SGCZ: variants seen among roughly 807,000 people sequenced by gnomAD.
SGCZ encodes sarcoglycan zeta.
In SGCZ, 40 loss-of-function variants were observed where a neutral mutation model predicts 41.3. The observed-to-expected ratio is 0.97, with a 90% CI of 0.75 to 1.26. The LOEUF (loss-of-function observed/expected upper bound fraction) is 1.26. Among genes scored for constraint, SGCZ ranks in the 50% most tolerant of loss-of-function variants. The pLI, the probability that SGCZ is intolerant of heterozygous loss-of-function variation, is 0.00. For missense variants in SGCZ, 552 were observed against 369.8 expected (o/e 1.49, Z -4.04); for synonymous variants, 206 against 137.5 (o/e 1.50, Z -3.49).
intron 1 of SGCZ, among the ~76,000 whole-genome samples, chr8:14,696,229 C>G (rs1367410251): frequency 6.6e-6 from 1 of 152,040 alleles, no homozygotes; most frequent in African/African-American, 2.4e-5. Flanking sequence ...TAAAACTCCT[C>G]TAAACTGTGT....
intron 1 of SGCZ, among the ~76,000 whole-genome samples, chr8:14,560,335 CAT>C (rs56123932): frequency 0.38 from 56,803 of 151,064 alleles, 11,151 homozygotes; most frequent in Admixed American, 0.44. Flanking sequence ...ATATATACAA[CAT>C]ATATATATAT....
chr8:15,176,015 A>G (rs1799990910), intron 1 of SGCZ, among the ~76,000 whole-genome samples: 1 of 152,218 alleles, frequency 6.6e-6, no homozygotes, highest in South Asian at 2.1e-4. Context: ...ACTGTATTAT[A>G]CTACTTATAT....
At chr8:14,403,810 A>G (rs888538417) in intron 2 of SGCZ, among the ~76,000 whole-genome samples, 9 of 152,162 alleles carry the variant, frequency 5.9e-5, no homozygotes, top group Non-Finnish European at 8.8e-5. Flanking sequence ...GTATGTTTAA[A>G]TGCTGTGGTA....
At chr8:15,112,899 C>A (rs1807124928) in intron 1 of SGCZ, among the ~76,000 whole-genome samples, 1 of 152,154 alleles carries the variant, frequency 6.6e-6, no homozygotes, top group African/African-American at 2.4e-5. Flanking sequence ...TGTTTGAAGT[C>A]ATGCGTTGTG....
At chr8:14,839,164 T>C (rs1224894217) in intron 1 of SGCZ, among the ~76,000 whole-genome samples, 2 of 152,140 alleles carry the variant, frequency 1.3e-5, no homozygotes, top group Admixed American at 6.5e-5. Flanking sequence ...ACTAGTATGA[T>C]ATTGATAGTG....
chr8:14,713,908 A>T (rs1250790346), intron 1 of SGCZ, among the ~76,000 whole-genome samples: 1 of 152,128 alleles, frequency 6.6e-6, no homozygotes, highest in Non-Finnish European at 1.5e-5. Flanking sequence ...TATTTTTTAA[A>T]CCTTTAAAAT....
intron 4 of SGCZ, among the ~76,000 whole-genome samples, chr8:14,198,832 C>A (rs992259989): frequency 6.6e-6 from 1 of 152,116 alleles, no homozygotes; most frequent in Admixed American, 6.6e-5. Flanking sequence ...TCTGAACATA[C>A]ATTGTGAAGA....
chr8:14,121,847 T>C (rs1004993800), intron 5 of SGCZ, among the ~76,000 whole-genome samples: 1 of 152,242 alleles, frequency 6.6e-6, no homozygotes, highest in Admixed American at 6.5e-5. Flanking sequence ...AAGCAATCTG[T>C]CTCTTGTCCA....
chr8:14,506,869 G>C (rs1802321429), intron 2 of SGCZ, among the ~76,000 whole-genome samples: 1 of 152,148 alleles, frequency 6.6e-6, no homozygotes, highest in Non-Finnish European at 1.5e-5. Flanking sequence ...CCAGCCCTCA[G>C]TGTCCTTTGC....
At chr8:14,620,458 G>C (rs554767436) in intron 1 of SGCZ, among the ~76,000 whole-genome samples, 1,549 of 152,124 alleles carry the variant, frequency 0.01, 26 homozygotes, top group African/African-American at 0.036. Flanking sequence ...TTAAACTAAA[G>C]AGCTTCTGCA....
chr8:14,994,854 G>A (rs1396129089), intron 1 of SGCZ, among the ~76,000 whole-genome samples: 2 of 152,028 alleles, frequency 1.3e-5, no homozygotes, highest in East Asian at 1.9e-4. Flanking sequence ...TAAAATACTA[G>A]GCATATTGTG....
intron 2 of SGCZ, among the ~76,000 whole-genome samples, chr8:14,525,153 T>C (rs953375860): frequency 2.4e-5 from 1 of 41,754 alleles, no homozygotes; most frequent in Non-Finnish European, 5.2e-5. Flanking sequence ...CATAGATAGA[T>C]AGATAGATAG....
At chr8:14,275,102 T>C (rs898027761) in intron 3 of SGCZ, among the ~76,000 whole-genome samples, 1 of 152,200 alleles carries the variant, frequency 6.6e-6, no homozygotes, top group African/African-American at 2.4e-5. Context: ...CACAAGGTGC[T>C]GAAAACATGT....
intron 2 of SGCZ, among the ~76,000 whole-genome samples, chr8:14,435,417 T>C (rs1184173535): frequency 6.6e-6 from 1 of 152,188 alleles, no homozygotes; most frequent in Non-Finnish European, 1.5e-5. Flanking sequence ...CACATAGCAT[T>C]AGTTTTAATT....
chr8:15,141,254 T>C (rs1321099047), intron 1 of SGCZ, among the ~76,000 whole-genome samples: 1 of 152,200 alleles, frequency 6.6e-6, no homozygotes, highest in Non-Finnish European at 1.5e-5. Context: ...GTGGTAGGGG[T>C]TGTGGATTCA....
At chr8:14,817,061 G>T (rs1801926223) in intron 1 of SGCZ, among the ~76,000 whole-genome samples, 1 of 152,152 alleles carries the variant, frequency 6.6e-6, no homozygotes, top group African/African-American at 2.4e-5. Flanking sequence ...ATGATCTATA[G>T]AGATAGCTTC....
intron 1 of SGCZ, among the ~76,000 whole-genome samples, chr8:14,929,459 G>T (rs756468036): frequency 6.6e-6 from 1 of 150,528 alleles, no homozygotes; most frequent in African/African-American, 2.5e-5. Flanking sequence ...GTATCTTACC[G>T]AATGCCTGGG....
chr8:14,592,719 G>A (rs1805279324), intron 1 of SGCZ, among the ~76,000 whole-genome samples: 1 of 152,108 alleles, frequency 6.6e-6, no homozygotes, highest in Non-Finnish European at 1.5e-5. Context: ...TTCATTTTAT[G>A]TGACATTAAC....
rs892322615 is a variant in SGCZ, at chr8:14,085,676, A to ATACGGTCT, written c.*4759_*4766dup. ...AGATCCATGCTGGGCCCATTTTGGG[A>ATACGGTCT]TACGGTCTTTGCATATAGGTTTTAT... On this transcript the variant is annotated 3_prime_UTR_variant, in exon 8 of 8. Coordinates refer to ENST00000382080, the MANE Select transcript of SGCZ (RefSeq NM_139167.4). Among the ~76,000 whole-genome samples, 3 of 151,718 alleles carry ATACGGTCT rather than the reference A, an allele frequency of 2.0e-5. No individual in the cohort carries two copies. Among genetic ancestry groups the ATACGGTCT allele is most frequent in the African/African-American group, 7.2e-5 (3 of 41,388 alleles).
Sources: allele counts gnomAD v4.1 joint callset (sites outside exome capture counted in the v4.1 genomes callset), GRCh38; gene constraint gnomAD v4.1.1; transcripts MANE v1.5; gene names NCBI Gene and HGNC (gene_info 2026-07-23, HGNC 2026-07-21).